Variants in NAPG observed in about 807,000 individuals in gnomAD.
NAPG encodes NSF attachment protein gamma.
In NAPG, 25 loss-of-function variants were observed where a neutral mutation model predicts 48.4. The ratio of observed to expected loss-of-function variants is 0.52; its 90% CI spans 0.38 to 0.72. NAPG has a LOEUF of 0.72. Ranked by LOEUF, NAPG falls within the 30% of genes least tolerant of loss-of-function variation. The probability of loss-of-function intolerance (pLI) is 0.00; values close to 1 mark genes in which losing one functional copy is unlikely to be tolerated. For missense variants in NAPG, 359 were observed against 372.5 expected, an observed-to-expected ratio of 0.96 and a Z score of 0.30; for synonymous variants, 139 against 127.2, an observed-to-expected ratio of 1.09 and a Z score of -0.62.
chr18:10,533,670 C>A (rs1254366364), intron 4 of NAPG, 117 bp downstream of exon 4: 5 of 836,102 alleles, frequency 6.0e-6, no homozygotes, highest in Non-Finnish European at 7.2e-6. Flanking sequence ...AAATAATAAT[C>A]ATTTCTCTTT....
At chr18:10,530,237 T>C (rs1193586521) in intron 1 of NAPG, among the ~76,000 whole-genome samples, 1 of 143,840 alleles carries the variant, frequency 7.0e-6, no homozygotes, top group Non-Finnish European at 1.5e-5. Context: ...CTCTGTTGTT[T>C]CACTGAATGA....
chr18:10,546,341 ACT>A lies in NAPG; in HGVS notation c.527_528del (p.Ser176TyrfsTer9), dbSNP rs1417144952. Reference protein sequence around the residue: ...VRGRRFDEAALSIQKEKNIYK... With the variant: ...VRGRRFDEAAXSIQKEKNIYK... ...TTTGTTTTAGGTTTGATGAGGCGGC[ACT>A]CTCTATTCAGAAAGAAAAAAATATT... On this transcript the variant is annotated frameshift_variant, in exon 9 of 12. Transcript: ENST00000322897. LOFTEE classifies it high-confidence loss of function. The surrounding 1 kb of genome is among the most constrained non-coding windows in gnomAD (Gnocchi z 4.0). The A allele has an allele frequency of 1.3e-5, 21 of 1,581,688 alleles. No individual in the cohort carries two copies. Among genetic ancestry groups the A allele is most frequent in the Non-Finnish European group, 1.8e-5 (21 of 1,160,332 alleles).
chr18:10,547,818 A>G (rs541563737), intron 9 of NAPG, among the ~76,000 whole-genome samples: 2 of 152,338 alleles, frequency 1.3e-5, no homozygotes, highest in Admixed American at 6.5e-5. Flanking sequence ...ACTTATCAAT[A>G]CTATCATTGT....
chr18:10,549,271 T>TA (rs1488843768), intron 11 of NAPG, among the ~76,000 whole-genome samples, 175 bp downstream of exon 11: 1 of 152,224 alleles, frequency 6.6e-6, no homozygotes, highest in Non-Finnish European at 1.5e-5. Flanking sequence ...TAGATTTAGA[T>TA]AAAATAGATG....
chr18:10,532,200 G>A (rs897586699), intron 2 of NAPG, among the ~76,000 whole-genome samples: 1 of 151,448 alleles, frequency 6.6e-6, no homozygotes, highest in African/African-American at 2.5e-5. Flanking sequence ...ATAGTAAACA[G>A]TATAAAAGAT....
In NAPG at chr18:10,539,702, A is replaced by G. The variant is rs1731005754; in HGVS notation, c.259-60A>G. On this transcript the variant is annotated intron_variant, in intron 5 of 11. Coordinates refer to ENST00000322897, the MANE Select transcript of NAPG (RefSeq NM_003826.3). This position sits in a 1 kb window ranked among gnomAD's most constrained non-coding sequence, Gnocchi z 4.7. ...AAAATAATTGCATTTCAGATTGTTAACTCTGTTTTTCTTTAATTGATGCAT... is the reference window on the plus strand; with the variant it reads ...AAAATAATTGCATTTCAGATTGTTAGCTCTGTTTTTCTTTAATTGATGCAT... 1.0e-5 allele frequency: 13 copies of G among 1,284,796 alleles called. No homozygotes were observed. The South Asian group carries it at 1.4e-4, about 13-fold the overall frequency. The allele number at this position is 1,284,796 out of a possible 1,614,324, so 79.6% of individuals were successfully genotyped here. A position where few individuals can be genotyped will look rare whatever the true frequency, so the allele number is the denominator to read the frequency against.
intron 11 of NAPG, among the ~76,000 whole-genome samples, 155 bp from the exon 12 acceptor site, chr18:10,549,922 C>T (rs2032351241): frequency 6.6e-6 from 1 of 152,098 alleles, no homozygotes; most frequent in African/African-American, 2.4e-5. Context: ...CATGAGGCAT[C>T]TGGGGAGCAG....
At chr18:10,547,505 A>G (rs1199277124) in intron 9 of NAPG, among the ~76,000 whole-genome samples, 1 of 152,202 alleles carries the variant, frequency 6.6e-6, no homozygotes, top group African/African-American at 2.4e-5. Flanking sequence ...GTAAAGATAA[A>G]CACAATTAAA....
rs763864263 is a variant in NAPG, at chr18:10,549,013, C to A, written c.712C>A (p.Leu238Ile). 1.2e-6 allele frequency: 2 copies of A among 1,613,878 alleles called. No individual in the cohort carries two copies. Among genetic ancestry groups the A allele is most frequent in the Admixed American group, 1.7e-5 (1 of 60,024 alleles). Residue 238 changes from leucine (L) to isoleucine (I), a missense_variant, in exon 11 of 12, where the codon CTT (leucine) becomes ATT (isoleucine). Leu to Ile is a conservative substitution (Grantham distance 5). Coordinates refer to ENST00000322897, the MANE Select transcript of NAPG (RefSeq NM_003826.3). ...TGAAGACTGTGCTGCCCTGGAACAG[C>A]TTCTTGAAGGTTATGACCAGCAAGA... ...GSEDCAALEQ[L>I]LEGYDQQDQD...
In NAPG at chr18:10,542,484, T is replaced by C. The variant is rs1002466382; in HGVS notation, c.506+2085T>C. ...AGGATAAGAAAAAACATGCAGTGTT[T>C]ATAGTGATGGAGACATTATTGAGAT... On this transcript the variant is annotated intron_variant, in intron 8 of 11. Coordinates refer to ENST00000322897, the MANE Select transcript of NAPG (RefSeq NM_003826.3). The surrounding 1 kb of genome is among the most constrained non-coding windows in gnomAD (Gnocchi z 4.5). 6.6e-6 allele frequency among the ~76,000 whole-genome samples: 1 copy of C among 152,118 alleles called. No individual in the cohort carries two copies. Among genetic ancestry groups the C allele is most frequent in the African/African-American group, 2.4e-5 (1 of 41,438 alleles).
chr18:10,547,901 G>A (rs2032301863), intron 9 of NAPG, among the ~76,000 whole-genome samples: 1 of 150,504 alleles, frequency 6.6e-6, no homozygotes, highest in African/African-American at 2.4e-5. Context: ...TATCATTGTG[G>A]TGTTACGGGT....
rs2032263017 is a variant in NAPG at position 10,546,248 on chromosome 18, G to A, written c.507-78G>A. The A allele has an allele frequency of 2.3e-6, 2 of 876,290 alleles. No homozygotes were observed. The highest frequency in any genetic ancestry group is 1.7e-6 in the Non-Finnish European group (1 of 581,042). The allele number at this position is 876,290 out of a possible 1,614,324, so 54.3% of individuals were successfully genotyped here. On this transcript the variant is annotated intron_variant, in intron 8 of 11. Coordinates refer to ENST00000322897, the MANE Select transcript of NAPG (RefSeq NM_003826.3). This position sits in a 1 kb window ranked among gnomAD's most constrained non-coding sequence, Gnocchi z 4.0. ...TCCTGGTGTCTCTACAATCTATGAT[G>A]TCAAGTACATTTCACAGGGGACCTC...
At position 10,546,786 on chromosome 18, in the gene NAPG, G is replaced by C. The variant is rs534132644; in HGVS notation, c.585+382G>C. Among the ~76,000 whole-genome samples the C allele has an allele frequency of 2.6e-4, 39 of 152,280 alleles. No homozygotes were observed. Among genetic ancestry groups the C allele is most frequent in the Non-Finnish European group, 4.6e-4 (31 of 68,018 alleles). ...ACAGTTGTGGAGCTGGGCAGCAAAG[G>C]CTGCAACAATGAAAACTCCAAAAGA... On this transcript the variant is annotated intron_variant, in intron 9 of 11. Transcript: ENST00000322897. The surrounding 1 kb of genome is among the most constrained non-coding windows in gnomAD (Gnocchi z 4.0).
At position 10,534,515 on chromosome 18, in the gene NAPG, C is replaced by T. The variant is rs1475206914; in HGVS notation, c.258+19C>T. 3.1e-6 allele frequency: 5 copies of T among 1,611,190 alleles called. No individual in the cohort carries two copies. The highest frequency in any genetic ancestry group is 4.2e-6 in the Non-Finnish European group (5 of 1,177,638). ...GTTGAAGGTCAGTAATGTTATGTCA[C>T]AATTGTTGTGTAGGTAAAATGAATT... On this transcript the variant is annotated intron_variant, in intron 5 of 11. Transcript: ENST00000322897. This position sits in a 1 kb window ranked among gnomAD's most constrained non-coding sequence, Gnocchi z 5.0.
At position 10,551,584 on chromosome 18, in the gene NAPG, G is replaced by GT. The variant is rs2032395528; in HGVS notation, c.*1366dup. 6.6e-6 allele frequency: 1 copy of GT among 152,196 alleles called. No individual in the cohort carries two copies. Among genetic ancestry groups the GT allele is most frequent in the Non-Finnish European group, 1.5e-5 (1 of 68,052 alleles). The allele number at this position is 152,196 out of a possible 1,614,324, so 9.4% of individuals were successfully genotyped here. On this transcript the variant is annotated 3_prime_UTR_variant, in exon 12 of 12. Transcript: ENST00000322897. ...GAGGCTACAGACACCAGCAGTGTGC[G>GT]TTCTGCAGGTACACGCTGCCAAAGT...
At chr18:10,530,464 G>A (rs1381220752) in intron 1 of NAPG, among the ~76,000 whole-genome samples, 1 of 151,948 alleles carries the variant, frequency 6.6e-6, no homozygotes, top group Non-Finnish European at 1.5e-5. Flanking sequence ...GGTGCTGTAG[G>A]CTTGGGATGG....
At chr18:10,530,667 CTTTTTT>C in intron 1 of NAPG, 97 bp from the exon 2 acceptor site, 2 of 480,562 alleles carry the variant, frequency 4.2e-6, no homozygotes, top group African/African-American at 2.2e-5. Flanking sequence ...ATGGTTTCTC[CTTTTTT>C]TTTTTTTTTT....
chr18:10,549,464 CA>C (rs1466208133), intron 11 of NAPG, among the ~76,000 whole-genome samples: 1 of 152,160 alleles, frequency 6.6e-6, no homozygotes, highest in African/African-American at 2.4e-5. Flanking sequence ...CTTTGTAATT[CA>C]GTAGACCTAT....
intron 1 of NAPG, among the ~76,000 whole-genome samples, chr18:10,528,118 G>A (rs998170826): frequency 1.3e-5 from 2 of 152,140 alleles, no homozygotes; most frequent in South Asian, 2.1e-4. Context: ...CCCTAGAGGC[G>A]GAGGTTGCAG....
Sources: allele counts gnomAD v4.1 joint callset (sites outside exome capture counted in the v4.1 genomes callset), GRCh38; gene constraint gnomAD v4.1.1; non-coding constraint Gnocchi (gnomAD v3.1); transcripts MANE v1.5; gene names NCBI Gene and HGNC (gene_info 2026-07-23, HGNC 2026-07-21).